USP43: variants seen among roughly 807,000 people sequenced by gnomAD.
The protein encoded by USP43 is ubiquitin specific peptidase 43, also known as ubiquitin carboxyl-terminal hydrolase 43.
In USP43, 33 loss-of-function variants were observed where a neutral mutation model predicts 90.7. The observed-to-expected ratio is 0.36, with a 90% CI of 0.28 to 0.49. USP43 has a LOEUF of 0.49. Among genes scored for constraint, USP43 ranks in the 20% least tolerant of loss-of-function variants. The pLI is 0.98. For synonymous variants in USP43, 598 were observed against 615.8 expected (o/e 0.97, Z 0.43); for missense variants, 1,274 against 1,476.4 (o/e 0.86, Z 2.25).
chr17:9,691,060 A>G (rs1471972279), intron 8 of USP43, among the ~76,000 whole-genome samples: 1 of 151,180 alleles, frequency 6.6e-6, no homozygotes, highest in Admixed American at 6.6e-5. Flanking sequence ...ACTAAATGTC[A>G]TGTTTTCAAG....
At chr17:9,682,782 TC>T in intron 6 of USP43, 40 bp from the exon 7 acceptor site, 1 of 1,598,454 alleles carries the variant, frequency 6.3e-7, no homozygotes. Flanking sequence ...GGAAAGCAGC[TC>T]CTTTAGGAAT....
chr17:9,653,169 G>A (rs1227347595), intron 1 of USP43, among the ~76,000 whole-genome samples: 1 of 152,206 alleles, frequency 6.6e-6, no homozygotes, highest in African/African-American at 2.4e-5. Flanking sequence ...GCTTCTTGAA[G>A]TTGTCACCTC....
intron 9 of USP43, among the ~76,000 whole-genome samples, chr17:9,699,840 G>A (rs1915469614): frequency 6.6e-6 from 1 of 152,162 alleles, no homozygotes; most frequent in Admixed American, 6.5e-5. Context: ...TGTGTAGGAT[G>A]GTCAAGTGGA....
At chr17:9,693,423 A>T (rs1028934615) in intron 9 of USP43, among the ~76,000 whole-genome samples, 193 bp downstream of exon 9, 2 of 151,988 alleles carry the variant, frequency 1.3e-5, no homozygotes, top group African/African-American at 4.8e-5. Flanking sequence ...GAGAGGCACT[A>T]TTATGTCCGC....
chr17:9,651,417 C>T (rs995325152), intron 1 of USP43, among the ~76,000 whole-genome samples: 1 of 152,140 alleles, frequency 6.6e-6, no homozygotes, highest in African/African-American at 2.4e-5. Flanking sequence ...GTCTTGAACT[C>T]CTGACCTGTG....
chr17:9,654,018 C>T (rs1486677170), intron 1 of USP43, among the ~76,000 whole-genome samples: 1 of 152,122 alleles, frequency 6.6e-6, no homozygotes, highest in East Asian at 1.9e-4. Flanking sequence ...TGAAAGATGA[C>T]ACCTACATTA....
intron 1 of USP43, among the ~76,000 whole-genome samples, chr17:9,654,070 G>A (rs573203369): frequency 4.5e-4 from 69 of 152,228 alleles, no homozygotes; most frequent in African/African-American, 1.5e-3. Flanking sequence ...TGGAAGGGCC[G>A]GCTGCTCACC....
chr17:9,701,322 G>A lies in USP43; in HGVS notation c.1663-30G>A. ...GGTGGGTTGGCCACGTGCTGCGGGG[G>A]CCTCACAGTCCGGGTGGTTTGCTTT... is the stretch of plus-strand genomic sequence containing the variant. On this transcript the variant is annotated intron_variant, in intron 11 of 14. Transcript: ENST00000285199. This position sits in a 1 kb window ranked among gnomAD's most constrained non-coding sequence, Gnocchi z 7.2. 1.9e-6 allele frequency: 3 copies of A among 1,587,380 alleles called. No homozygotes were observed. Among genetic ancestry groups the A allele is most frequent in the Non-Finnish European group, 2.6e-6 (3 of 1,166,142 alleles).
chr17:9,722,692 C>T (rs147421865), intron 14 of USP43, among the ~76,000 whole-genome samples: 2 of 152,270 alleles, frequency 1.3e-5, no homozygotes, highest in South Asian at 2.1e-4. Context: ...CTCCTTCCTC[C>T]AATCAGATGA....
In USP43 at chr17:9,701,739, C is replaced by T; in HGVS notation, c.2011+39C>T. 8.8e-6 allele frequency: 13 copies of T among 1,474,858 alleles called. No individual in the cohort carries two copies. The highest frequency in any genetic ancestry group is 1.2e-5 in the Non-Finnish European group (13 of 1,101,352). 91.4% of individuals were successfully genotyped at this position (1,474,858 alleles called of 1,614,324 possible). A position where few individuals can be genotyped will look rare whatever the true frequency, so the allele number is the denominator to read the frequency against. On this transcript the variant is annotated intron_variant, in intron 12 of 14. Coordinates refer to ENST00000285199, the MANE Select transcript of USP43 (RefSeq NM_153210.5). This position sits in a 1 kb window ranked among gnomAD's most constrained non-coding sequence, Gnocchi z 7.2. ...TGCCTTTCTGCAAATGCAGCTGTGG[C>T]CACAGCCTCGAGATGTCCCTGGAAT...
intron 2 of USP43, among the ~76,000 whole-genome samples, chr17:9,663,576 G>A (rs1040390498): frequency 2.6e-5 from 4 of 152,004 alleles, no homozygotes; most frequent in Non-Finnish European, 5.9e-5. Flanking sequence ...GGAATTACAG[G>A]CGTGAGCCAC....
intron 2 of USP43, among the ~76,000 whole-genome samples, chr17:9,661,544 T>G (rs274907): frequency 0.48 from 72,722 of 151,832 alleles, 21,667 homozygotes; most frequent in East Asian, 0.92. Flanking sequence ...GTTTTGTGGA[T>G]ACAAGGTCTC....
chr17:9,648,182 A>G (rs950169153), intron 1 of USP43, among the ~76,000 whole-genome samples: 1 of 152,254 alleles, frequency 6.6e-6, no homozygotes, highest in Admixed American at 6.5e-5. Flanking sequence ...TAATATGTTA[A>G]TGAGGGAGAT....
At chr17:9,693,844 CAAA>C (rs997228031) in intron 9 of USP43, among the ~76,000 whole-genome samples, 20 of 152,036 alleles carry the variant, frequency 1.3e-4, no homozygotes, top group African/African-American at 4.6e-4. Context: ...TCTCAAAAAA[CAAA>C]AACAAAAACA....
At chr17:9,702,863 A>G (rs1039603347) in intron 12 of USP43, among the ~76,000 whole-genome samples, 1 of 152,116 alleles carries the variant, frequency 6.6e-6, no homozygotes, top group African/African-American at 2.4e-5. Flanking sequence ...AGAAATGAGG[A>G]TGCAGTTACA....
At chr17:9,715,773 C>T (rs568686156) in intron 14 of USP43, among the ~76,000 whole-genome samples, 42 of 124,324 alleles carry the variant, frequency 3.4e-4, no homozygotes, top group African/African-American at 1.1e-3. Flanking sequence ...GTGTTTGTGT[C>T]TATGTGTGTG....
chr17:9,689,167 A>T (rs1206923729), intron 8 of USP43, among the ~76,000 whole-genome samples: 2 of 140,158 alleles, frequency 1.4e-5, no homozygotes, highest in African/African-American at 3.3e-5. Flanking sequence ...AGGCTAGCCA[A>T]CCCATTTAAC....
At chr17:9,655,732 C>A (rs371057734) in intron 1 of USP43, among the ~76,000 whole-genome samples, 1 of 152,118 alleles carries the variant, frequency 6.6e-6, no homozygotes, top group African/African-American at 2.4e-5. Flanking sequence ...TAGTGCCTGG[C>A]GTGTGGTTGG....
chr17:9,662,493 G>C (rs912145259), intron 2 of USP43, among the ~76,000 whole-genome samples: 14 of 152,126 alleles, frequency 9.2e-5, no homozygotes, highest in African/African-American at 3.4e-4. Flanking sequence ...AGTTGATCAC[G>C]TTCCTCCACT....
Sources: allele counts gnomAD v4.1 joint callset (sites outside exome capture counted in the v4.1 genomes callset), GRCh38; gene constraint gnomAD v4.1.1; non-coding constraint Gnocchi (gnomAD v3.1); transcripts MANE v1.5; gene names NCBI Gene and HGNC (gene_info 2026-07-23, HGNC 2026-07-21).